TGFBR1: variants seen among roughly 807,000 people sequenced by gnomAD.
The protein encoded by TGFBR1 is TGF-beta receptor type-1.
TGFBR1 carries 20 observed loss-of-function variants against 55.1 expected under a neutral mutation model. The observed-to-expected ratio is 0.36, with a 90% confidence interval of 0.26 to 0.53. The LOEUF (loss-of-function observed/expected upper bound fraction) is 0.53. TGFBR1 is among the 20% of genes least tolerant of loss of function. TGFBR1 has a pLI of 0.91. For synonymous variants in TGFBR1, 220 were observed against 214.8 expected, an observed-to-expected ratio of 1.02 and a Z score of -0.21; for missense variants, 385 against 617.6, an observed-to-expected ratio of 0.62 and a Z score of 3.99.
At chr9:99,125,958 C>T (rs142275282) in intron 1 of TGFBR1, among the ~76,000 whole-genome samples, 100 of 152,226 alleles carry the variant, frequency 6.6e-4, no homozygotes, top group African/African-American at 2.3e-3. Context: ...GACCCTTTAA[C>T]AGCAAGCTAT....
intron 3 of TGFBR1, among the ~76,000 whole-genome samples, chr9:99,133,483 G>A (rs1428457300): frequency 6.6e-6 from 1 of 152,172 alleles, no homozygotes; most frequent in Non-Finnish European, 1.5e-5. Context: ...TTTCTTGCAT[G>A]TGGTTTGGAA....
chr9:99,118,387 T>C (rs868031387), intron 1 of TGFBR1, among the ~76,000 whole-genome samples: 2 of 152,182 alleles, frequency 1.3e-5, no homozygotes, highest in African/African-American at 4.8e-5. Flanking sequence ...TCTTTCTTAT[T>C]TGTGATTTCA....
At chr9:99,117,118 A>G (rs1238354822) in intron 1 of TGFBR1, among the ~76,000 whole-genome samples, 1 of 152,104 alleles carries the variant, frequency 6.6e-6, no homozygotes, top group Non-Finnish European at 1.5e-5. Context: ...ACGGAGTCTC[A>G]CTGTTGTCAC....
At chr9:99,112,549 G>A (rs749004600) in intron 1 of TGFBR1, among the ~76,000 whole-genome samples, 4 of 152,028 alleles carry the variant, frequency 2.6e-5, no homozygotes, top group South Asian at 2.1e-4. Flanking sequence ...GGATGTCTTC[G>A]TTTTGTTCAC....
intron 1 of TGFBR1, among the ~76,000 whole-genome samples, chr9:99,113,721 A>G (rs375750457): frequency 2.0e-5 from 3 of 152,238 alleles, no homozygotes; most frequent in East Asian, 3.8e-4. Context: ...TAAGTGAAAG[A>G]ATGTCTTCTG....
intron 1 of TGFBR1, among the ~76,000 whole-genome samples, chr9:99,116,875 C>A (rs193276287): frequency 6.6e-6 from 1 of 152,272 alleles, no homozygotes; most frequent in East Asian, 1.9e-4. Flanking sequence ...GAAAGGAGTT[C>A]AGTCAACACT....
At position 99,139,716 on chromosome 9, in the gene TGFBR1, A is replaced by G. The variant is rs552079156; in HGVS notation, c.805+1627A>G. Reference sequence around the variant, plus strand: ...CAAATATCCAGTTAGGTTCAATTCTATAATTGTCTCCTATTAAAAAAATTA... The same window carrying G: ...CAAATATCCAGTTAGGTTCAATTCTGTAATTGTCTCCTATTAAAAAAATTA... On this transcript the variant is annotated intron_variant, in intron 4 of 8. Coordinates refer to ENST00000374994, the MANE Select transcript of TGFBR1 (RefSeq NM_004612.4). 5.9e-5 allele frequency among the ~76,000 whole-genome samples: 9 copies of G among 152,358 alleles called. No individual in the cohort carries two copies. The South Asian group carries it at 1.2e-3, about 21-fold the overall frequency.
rs550064982 is a variant in TGFBR1 at position 99,133,996 on chromosome 9, TAAAAAAA to T, written c.574+1272_574+1278del. The stretch of plus-strand genomic sequence containing the variant: ...TCCAGCCTGGGAAACAGACTCCATC[TAAAAAAA>T]AAAAAAAAAAAAAATTTTCACTAAT... On this transcript the variant is annotated intron_variant, in intron 3 of 8. Coordinates refer to ENST00000374994, the MANE Select transcript of TGFBR1 (RefSeq NM_004612.4). 5.4e-5 allele frequency among the ~76,000 whole-genome samples: 6 copies of T among 110,646 alleles called. No homozygotes were observed. In the East Asian group the frequency reaches 1.6e-3, roughly 30 times the overall value. The allele number at this position is 110,646 out of a possible 152,430, so 72.6% of individuals were successfully genotyped here.
intron 4 of TGFBR1, among the ~76,000 whole-genome samples, chr9:99,140,594 A>G (rs920001624): frequency 3.3e-5 from 5 of 152,062 alleles, no homozygotes; most frequent in Admixed American, 3.3e-4. Context: ...TTCTTTATTT[A>G]CTGTGTTTGA....
Position 99,149,501 on chromosome 9 carries a change from C to A in TGFBR1, c.*196C>A. 1.6e-6 allele frequency: 1 copy of A among 624,050 alleles called. No homozygotes were observed. The highest frequency in any genetic ancestry group is 2.8e-6 in the Non-Finnish European group (1 of 360,666). 38.7% of individuals were successfully genotyped at this position (624,050 alleles called of 1,614,324 possible). On this transcript the variant is annotated 3_prime_UTR_variant, in exon 9 of 9. Coordinates refer to ENST00000374994, the MANE Select transcript of TGFBR1 (RefSeq NM_004612.4). ...AACAGCCATGTGGGTCCTTTCTGTG[C>A]ACTATGAACGCTTCTTTCCCAGGAC...
chr9:99,151,447 C>G lies in TGFBR1; in HGVS notation c.*2142C>G. Reference sequence around the variant, plus strand: ...TGGGCCATTTCTAAGCCTACCAGATCTGCTTTATGAAATCCAGGGGACCAA... The same window carrying G: ...TGGGCCATTTCTAAGCCTACCAGATGTGCTTTATGAAATCCAGGGGACCAA... On this transcript the variant is annotated 3_prime_UTR_variant, in exon 9 of 9. Coordinates refer to ENST00000374994, the MANE Select transcript of TGFBR1 (RefSeq NM_004612.4). 9.5e-6 allele frequency: 2 copies of G among 211,170 alleles called. No homozygotes were observed. The highest frequency in any genetic ancestry group is 9.3e-6 in the Non-Finnish European group (1 of 107,922). The allele number at this position is 211,170 out of a possible 1,614,324, so 13.1% of individuals were successfully genotyped here. A position where few individuals can be genotyped will look rare whatever the true frequency, so the allele number is the denominator to read the frequency against.
intron 8 of TGFBR1, among the ~76,000 whole-genome samples, chr9:99,148,149 G>A (rs540265851): frequency 1.3e-5 from 2 of 152,260 alleles, no homozygotes; most frequent in South Asian, 4.1e-4. Flanking sequence ...CATTTCAAGG[G>A]TCTGACTCTG....
intron 3 of TGFBR1, among the ~76,000 whole-genome samples, chr9:99,133,941 T>C (rs1827337991): frequency 6.7e-6 from 1 of 149,928 alleles, no homozygotes; most frequent in Non-Finnish European, 1.5e-5. Flanking sequence ...GGGGTGGAGG[T>C]TGCAGTTAGC....
intron 1 of TGFBR1, among the ~76,000 whole-genome samples, chr9:99,127,184 A>G (rs1455347905): frequency 6.6e-6 from 1 of 152,222 alleles, no homozygotes; most frequent in Non-Finnish European, 1.5e-5. Context: ...AATCAGACAC[A>G]GGTTTCCAGG....
chr9:99,149,799 A>C lies in TGFBR1; in HGVS notation c.*494A>C, dbSNP rs1329868355. The C allele has an allele frequency of 8.7e-6, 2 of 231,086 alleles. No individual in the cohort carries two copies. Among genetic ancestry groups the C allele is most frequent in the Middle Eastern group, 1.3e-3 (1 of 744 alleles). The allele number at this position is 231,086 out of a possible 1,614,324, so 14.3% of individuals were successfully genotyped here. A position where few individuals can be genotyped will look rare whatever the true frequency, so the allele number is the denominator to read the frequency against. ...TATAGTTTTTCAGGATCTTAAAACTAACACTTATAAAACTCTTATCTTGAG... is the reference window on the plus strand; with the variant it reads ...TATAGTTTTTCAGGATCTTAAAACTCACACTTATAAAACTCTTATCTTGAG... On this transcript the variant is annotated 3_prime_UTR_variant, in exon 9 of 9. Transcript: ENST00000374994.
chr9:99,147,902 T>G, intron 8 of TGFBR1, 118 bp downstream of exon 8: 1 of 1,205,000 alleles, frequency 8.3e-7, no homozygotes, highest in Non-Finnish European at 1.2e-6. Flanking sequence ...TTCATAGCAG[T>G]CAAACCAATG....
At chr9:99,104,975 GC>G (rs1183288491), upstream of TGFBR1, 6 of 209,340 alleles carry the variant, frequency 2.9e-5, no homozygotes, top group South Asian at 1.1e-3. Context: ...TGGCTGCCTG[GC>G]GGGCCCGCAG....
At position 99,132,789 on chromosome 9, in the gene TGFBR1, C is replaced by T. The variant is rs11466460; in HGVS notation, c.574+50C>T. On this transcript the variant is annotated intron_variant, in intron 3 of 8. Transcript: ENST00000374994. ...CCTAAGACATCTTTTTAAAATTAAG[C>T]GATACTTATTTTATTAGTTTTCTAA... 1,012 of 1,608,528 alleles carry T rather than the reference C, an allele frequency of 6.3e-4. 4 individuals are homozygous for T. The African/African-American group carries it at 0.012, about 19-fold the overall frequency.
chr9:99,144,634 G>A, intron 5 of TGFBR1, 98 bp from the exon 6 acceptor site: 1 of 1,425,226 alleles, frequency 7.0e-7, no homozygotes. Flanking sequence ...GAAATGCTTT[G>A]ATAATTTGGG....
Sources: gnomAD v4.1 joint callset for allele counts (sites outside exome capture counted in the v4.1 genomes callset) on GRCh38, gnomAD v4.1.1 for gene constraint, MANE v1.5 for transcripts, NCBI Gene and HGNC (gene_info 2026-07-23, HGNC 2026-07-21) for gene names.